Variants in RASGRP1 observed in about 807,000 individuals in gnomAD.
The protein encoded by RASGRP1 is RAS guanyl releasing protein 1.
In RASGRP1, 37 loss-of-function variants were observed where a neutral mutation model predicts 95.1. The observed-to-expected ratio is 0.39, with a 90% CI of 0.30 to 0.51. The LOEUF (loss-of-function observed/expected upper bound fraction) is 0.51. Ranked by LOEUF, RASGRP1 falls within the 20% of genes least tolerant of loss-of-function variation. The probability of loss-of-function intolerance (pLI) is 0.80; values close to 1 mark genes in which losing one functional copy is unlikely to be tolerated. For synonymous variants in RASGRP1, 325 were observed against 353.4 expected (o/e 0.92, Z 0.90); for missense variants, 711 against 965.4 (o/e 0.74, Z 3.49).
At chr15:38,513,404 T>C (rs934430694) in intron 6 of RASGRP1, among the ~76,000 whole-genome samples, 3 of 152,228 alleles carry the variant, frequency 2.0e-5, no homozygotes, top group African/African-American at 7.2e-5. Context: ...AAATCTGCCC[T>C]ATCTAGGACA....
intron 15 of RASGRP1, among the ~76,000 whole-genome samples, chr15:38,495,729 T>C (rs562872676): frequency 6.2e-4 from 95 of 152,230 alleles, no homozygotes; most frequent in Non-Finnish European, 9.7e-4. Flanking sequence ...TACATAGTTA[T>C]TTAAGTGCTC....
chr15:38,563,320 T>A (rs1893888605), intron 1 of RASGRP1, among the ~76,000 whole-genome samples: 1 of 152,198 alleles, frequency 6.6e-6, no homozygotes, highest in African/African-American at 2.4e-5. Context: ...TGTTTTCCTG[T>A]AAATGAAAAA....
intron 2 of RASGRP1, among the ~76,000 whole-genome samples, chr15:38,542,842 T>TATATATGTGTATATATATAC (rs1892930909): frequency 5.2e-5 from 6 of 115,282 alleles, no homozygotes; most frequent in African/African-American, 1.7e-4. Flanking sequence ...TGTGTATATA[T>TATATATGTGTATATATATAC]ATATATGTGT....
chr15:38,517,110 G>A (rs1595849322), intron 5 of RASGRP1, among the ~76,000 whole-genome samples: 1 of 152,152 alleles, frequency 6.6e-6, no homozygotes, highest in South Asian at 2.1e-4. Flanking sequence ...TGTGGTCAAT[G>A]AGCTTGGGAA....
intron 2 of RASGRP1, among the ~76,000 whole-genome samples, chr15:38,531,816 CGA>C (rs1892451821): frequency 6.6e-6 from 1 of 152,194 alleles, no homozygotes; most frequent in Non-Finnish European, 1.5e-5. Flanking sequence ...TACTTTTCAA[CGA>C]GAGAATGGTT....
chr15:38,526,404 T>G lies in RASGRP1; in HGVS notation c.221A>C (p.Asp74Ala), dbSNP rs1566926306. 6.2e-7 allele frequency: 1 copy of G among 1,611,994 alleles called. No individual in the cohort carries two copies. The highest frequency in any genetic ancestry group is 8.5e-7 in the Non-Finnish European group (1 of 1,178,442). ...DLIDSCIQSFDADGNLCRSNQ... is the reference protein window; with the variant it reads ...DLIDSCIQSFAADGNLCRSNQ... ...ACTTCGACACAGGTTTCCATCTGCA[T>G]CTGAAAATATAAAGAGCAGCACCTG... is the stretch of plus-strand genomic sequence containing the variant. The change falls in exon 3 of 17, where the codon GAT becomes GCT. Residue 74 changes from aspartate (D) to alanine (A), a missense_variant and splice_region_variant. This residue lies in a region of RASGRP1 where 491 missense variants were observed against 676.6 expected (regional missense o/e 0.73). Coordinates refer to ENST00000310803, the MANE Select transcript of RASGRP1 (RefSeq NM_005739.4).
chr15:38,517,192 G>T (rs1194622818), intron 5 of RASGRP1, among the ~76,000 whole-genome samples: 1 of 152,148 alleles, frequency 6.6e-6, no homozygotes, highest in Non-Finnish European at 1.5e-5. Flanking sequence ...CAAAAGGAAA[G>T]TTTAACTCAT....
intron 7 of RASGRP1, among the ~76,000 whole-genome samples, chr15:38,512,470 G>A (rs1891573269): frequency 6.6e-6 from 1 of 152,220 alleles, no homozygotes; most frequent in Non-Finnish European, 1.5e-5. Context: ...CCTTTGCCAT[G>A]TGGGCCAGAC....
chr15:38,561,392 G>A (rs916469889), intron 1 of RASGRP1, among the ~76,000 whole-genome samples: 3 of 152,218 alleles, frequency 2.0e-5, no homozygotes, highest in Admixed American at 1.3e-4. Context: ...CTACATAAAT[G>A]TTAAATAAGT....
chr15:38,549,692 T>C (rs1893251231), intron 2 of RASGRP1, among the ~76,000 whole-genome samples: 2 of 152,176 alleles, frequency 1.3e-5, no homozygotes, highest in Non-Finnish European at 2.9e-5. Context: ...CTCTAGTCTC[T>C]ACTCCCTTTG....
At position 38,518,373 on chromosome 15, in the gene RASGRP1, G is replaced by C. The variant is rs780853641; in HGVS notation, c.440C>G (p.Thr147Arg). 1.2e-6 allele frequency: 2 copies of C among 1,608,568 alleles called. No individual in the cohort carries two copies. The highest frequency in any genetic ancestry group is 2.7e-5 in the African/African-American group (2 of 74,806). ...TTCCTGAAACTCCTCCATAGTGTCT[G>C]TCAAGCTGGCGTCCATTTTAAACAT... ...WVMFKMDASL[T>R]DTMEEFQELV... Residue 147 changes from threonine (T) to arginine (R), a missense_variant, in exon 5 of 17, where the codon ACA (threonine) becomes AGA (arginine). Around this residue, in one of 3 missense-constraint regions of RASGRP1, gnomAD observed 491 missense variants for 676.6 expected, o/e 0.73. Coordinates refer to ENST00000310803, the MANE Select transcript of RASGRP1 (RefSeq NM_005739.4).
intron 3 of RASGRP1, among the ~76,000 whole-genome samples, chr15:38,525,229 A>G (rs998722449): frequency 6.6e-6 from 1 of 152,138 alleles, no homozygotes; most frequent in Admixed American, 6.5e-5. Context: ...TGGCCTTCCA[A>G]AGTGCTGGGA....
At chr15:38,506,664 A>C (rs543505349) in intron 9 of RASGRP1, among the ~76,000 whole-genome samples, 8 of 147,690 alleles carry the variant, frequency 5.4e-5, no homozygotes, top group African/African-American at 1.5e-4. Flanking sequence ...AAAAATAGTG[A>C]GTTTCATGTA....
In RASGRP1 at chr15:38,503,299, A is replaced by G. The variant is rs1891111770; in HGVS notation, c.1401T>C (p.Ile467=). The change falls in exon 11 of 17, where the codon ATT becomes ATC. Residue 467 remains isoleucine (I), a synonymous_variant. Transcript: ENST00000310803. ...GVSPKPDPKT[I]SKHVQRMVDS... is the part of the protein sequence containing the mutation. ...CCACCATCCTCTGGACGTGTTTGCTAATGGTTTTTGGATCAGGTTTGGGAG... is the reference window on the plus strand; with the variant it reads ...CCACCATCCTCTGGACGTGTTTGCTGATGGTTTTTGGATCAGGTTTGGGAG... 1 of 1,612,142 alleles carries G rather than the reference A, an allele frequency of 6.2e-7. No homozygotes were observed.
chr15:38,551,749 G>A (rs1255720623), intron 2 of RASGRP1, among the ~76,000 whole-genome samples: 1 of 152,104 alleles, frequency 6.6e-6, no homozygotes, highest in Non-Finnish European at 1.5e-5. Flanking sequence ...TATTCAAAGA[G>A]TTAACAGCTT....
At chr15:38,510,235 T>C (rs1370965078) in intron 8 of RASGRP1, among the ~76,000 whole-genome samples, 1 of 152,206 alleles carries the variant, frequency 6.6e-6, no homozygotes, top group Admixed American at 6.5e-5. Context: ...AGCTCTCTCT[T>C]ATAAGCTAAA....
intron 10 of RASGRP1, chr15:38,503,851 A>G (rs1350179016): frequency 5.0e-6 from 1 of 198,734 alleles, no homozygotes; most frequent in Non-Finnish European, 1.0e-5. Flanking sequence ...AATGACTGGG[A>G]TATGTTCTGA....
At position 38,515,073 on chromosome 15, in the gene RASGRP1, G is replaced by A. The variant is rs573326804; in HGVS notation, c.675+1124C>T. On this transcript the variant is annotated intron_variant, in intron 6 of 16. Coordinates refer to ENST00000310803, the MANE Select transcript of RASGRP1 (RefSeq NM_005739.4). ...TGGCTGAGTGACCAAACAGCTGCGT[G>A]AAAACAGAAGGGCTGTCAATATTAT... 5.1e-4 allele frequency among the ~76,000 whole-genome samples: 77 copies of A among 152,292 alleles called. 1 individual carries two copies. The highest frequency in any genetic ancestry group is 3.5e-3 in the South Asian group (17 of 4,826).
intron 14 of RASGRP1, 111 bp downstream of exon 14, chr15:38,499,992 G>A (rs1890949824): frequency 3.7e-6 from 4 of 1,071,914 alleles, no homozygotes; most frequent in African/African-American, 1.5e-5. Context: ...GTGGAACTGT[G>A]AGTCAATTAA....
Sources: allele counts gnomAD v4.1 joint callset (sites outside exome capture counted in the v4.1 genomes callset), GRCh38; gene constraint gnomAD v4.1.1; regional missense constraint gnomAD v4.1.1; transcripts MANE v1.5; gene names NCBI Gene and HGNC (gene_info 2026-07-23, HGNC 2026-07-21).